Variants in CFDP1 observed in about 807,000 individuals in gnomAD.
CFDP1 encodes the protein heterochromatin-stabilizing protein CFDP1.
Under a neutral mutation model 40.1 loss-of-function variants are expected in CFDP1, and 31 were observed. That is an observed-to-expected ratio of 0.77 (90% confidence interval 0.58 to 1.04). CFDP1 has a LOEUF of 1.04. Among genes scored for constraint, CFDP1 ranks in the 50% least tolerant of loss-of-function variants. The pLI is 0.00. For missense variants in CFDP1, 423 were observed against 343.4 expected, an observed-to-expected ratio of 1.23 and a Z score of -1.83; for synonymous variants, 167 against 120.0, an observed-to-expected ratio of 1.39 and a Z score of -2.56.
intron 5 of CFDP1, among the ~76,000 whole-genome samples, chr16:75,373,575 G>A (rs1052215384): frequency 6.6e-6 from 1 of 152,104 alleles, no homozygotes; most frequent in East Asian, 1.9e-4. Context: ...ATGAACAAAA[G>A]AGAGGCACAG....
chr16:75,412,455 G>C (rs1028672305), intron 3 of CFDP1, 80 bp downstream of exon 3: 1 of 1,084,152 alleles, frequency 9.2e-7, no homozygotes, highest in African/African-American at 1.6e-5. Flanking sequence ...AAGGCATCTG[G>C]TCGATTTCCG....
At position 75,381,456 on chromosome 16, in the gene CFDP1, T is replaced by G. The variant is rs567181842; in HGVS notation, c.650+13634A>C. Among the ~76,000 whole-genome samples, 9 of 152,190 alleles carry G rather than the reference T, an allele frequency of 5.9e-5. No individual in the cohort carries two copies. In the East Asian group the frequency reaches 1.7e-3, roughly 29 times the overall value. ...TAAAAGGACTCATTGGATTGGGCAGTTAGGGGCTAGGGGGAAAGACAAGAA... is the reference window on the plus strand; with the variant it reads ...TAAAAGGACTCATTGGATTGGGCAGGTAGGGGCTAGGGGGAAAGACAAGAA... On this transcript the variant is annotated intron_variant, in intron 5 of 6. Transcript: ENST00000283882.
intron 1 of CFDP1, among the ~76,000 whole-genome samples, chr16:75,431,389 G>A (rs2079413014): frequency 7.4e-6 from 1 of 135,616 alleles, no homozygotes; most frequent in South Asian, 2.5e-4. Context: ...GGGAGGCAGA[G>A]CTTGCAGTGA....
intron 6 of CFDP1, among the ~76,000 whole-genome samples, chr16:75,297,625 A>G (rs1209249937): frequency 2.0e-5 from 3 of 152,200 alleles, no homozygotes; most frequent in African/African-American, 7.2e-5. Context: ...AGCCCAGTCC[A>G]CAGGGAAGCC....
At chr16:75,354,604 G>C (rs935196094) in intron 5 of CFDP1, among the ~76,000 whole-genome samples, 32 of 152,168 alleles carry the variant, frequency 2.1e-4, no homozygotes, top group African/African-American at 7.7e-4. Context: ...CAAGATGTTG[G>C]GTAAAAGTAC....
intron 1 of CFDP1, among the ~76,000 whole-genome samples, chr16:75,419,733 A>G (rs890726683): frequency 1.3e-5 from 2 of 152,212 alleles, no homozygotes; most frequent in African/African-American, 4.8e-5. Context: ...CACCAAAACC[A>G]GCGCCATGAC....
chr16:75,418,306 C>CTTTT (rs60458195), intron 1 of CFDP1, among the ~76,000 whole-genome samples: 1 of 107,140 alleles, frequency 9.3e-6, no homozygotes, highest in South Asian at 3.2e-4. Context: ...AACTCTAACC[C>CTTTT]TTTTTTTTTT....
At chr16:75,316,111 G>C (rs548018098) in intron 5 of CFDP1, among the ~76,000 whole-genome samples, 3 of 152,194 alleles carry the variant, frequency 2.0e-5, no homozygotes, top group Admixed American at 2.0e-4. Context: ...TTTTGCTGAG[G>C]ATGCTAAATA....
chr16:75,346,736 AAGTC>A (rs2078569066), intron 5 of CFDP1, among the ~76,000 whole-genome samples: 1 of 150,516 alleles, frequency 6.6e-6, no homozygotes, highest in Non-Finnish European at 1.5e-5. Context: ...AAAAAAAAAA[AAGTC>A]AGCACCTACT....
intron 5 of CFDP1, among the ~76,000 whole-genome samples, chr16:75,349,678 A>ATATAT (rs1567653462): frequency 3.4e-4 from 2 of 5,906 alleles, no homozygotes; most frequent in African/African-American, 1.1e-3. Flanking sequence ...AAAAAAAAAA[A>ATATAT]AAAAAAAAAA....
chr16:75,386,187 A>G (rs891517687), intron 5 of CFDP1, among the ~76,000 whole-genome samples: 14 of 152,210 alleles, frequency 9.2e-5, no homozygotes, highest in African/African-American at 3.1e-4. Flanking sequence ...TTAAAATCAT[A>G]CATGTTTGAA....
At chr16:75,395,030 T>C in intron 5 of CFDP1, 60 bp downstream of exon 5, 1 of 1,603,452 alleles carries the variant, frequency 6.2e-7, no homozygotes, top group South Asian at 1.1e-5. Flanking sequence ...AAGTAGGTAT[T>C]TGCACTGAAA....
At chr16:75,381,152 G>A (rs1457666656) in intron 5 of CFDP1, 1 of 152,100 alleles carries the variant, frequency 6.6e-6, no homozygotes, top group Non-Finnish European at 1.5e-5. Flanking sequence ...TAATTACATA[G>A]TGACAGATGC....
chr16:75,420,362 G>T (rs746611807), intron 1 of CFDP1, among the ~76,000 whole-genome samples: 2 of 152,034 alleles, frequency 1.3e-5, no homozygotes, highest in African/African-American at 2.4e-5. Flanking sequence ...GTATTTCATT[G>T]GAACCCATCA....
intron 4 of CFDP1, among the ~76,000 whole-genome samples, chr16:75,403,914 T>C (rs896014714): frequency 4.6e-5 from 7 of 151,948 alleles, no homozygotes; most frequent in African/African-American, 7.2e-5. Context: ...GGCGTATCAT[T>C]TGAGGTCAGG....
At chr16:75,402,389 G>T (rs1233606786) in intron 4 of CFDP1, among the ~76,000 whole-genome samples, 1 of 152,212 alleles carries the variant, frequency 6.6e-6, no homozygotes, top group Non-Finnish European at 1.5e-5. Flanking sequence ...ATTTAGGAAA[G>T]TCTGAGCTAA....
At chr16:75,346,720 CAAAA>C (rs10538921) in intron 5 of CFDP1, among the ~76,000 whole-genome samples, 5 of 130,000 alleles carry the variant, frequency 3.8e-5, no homozygotes, top group South Asian at 2.5e-4. Flanking sequence ...ATCTTCCACT[CAAAA>C]AAAAAAAAAA....
At chr16:75,397,670 T>C (rs1485748490) in intron 4 of CFDP1, among the ~76,000 whole-genome samples, 1 of 151,836 alleles carries the variant, frequency 6.6e-6, no homozygotes, top group African/African-American at 2.4e-5. Flanking sequence ...CCGGGCATAG[T>C]GGCAGGTACA....
chr16:75,384,550 T>C (rs2078877104), intron 5 of CFDP1, among the ~76,000 whole-genome samples: 1 of 152,186 alleles, frequency 6.6e-6, no homozygotes, highest in South Asian at 2.1e-4. Context: ...CAGCAGCTAT[T>C]AGAATTTAAG....
Sources: allele counts gnomAD v4.1 joint callset (sites outside exome capture counted in the v4.1 genomes callset), GRCh38; gene constraint gnomAD v4.1.1; transcripts MANE v1.5; gene names NCBI Gene and HGNC (gene_info 2026-07-23, HGNC 2026-07-21).